CPQ: variants seen among roughly 807,000 people sequenced by gnomAD.
CPQ encodes the protein carboxypeptidase Q.
CPQ carries 37 observed loss-of-function variants against 45.7 expected under a neutral mutation model. The ratio of observed to expected loss-of-function variants is 0.81; its 90% CI spans 0.62 to 1.07. The LOEUF (loss-of-function observed/expected upper bound fraction) is 1.07. Among genes scored for constraint, CPQ ranks in the 50% least tolerant of loss-of-function variants. CPQ has a pLI of 0.00. For missense variants in CPQ, 537 were observed against 572.9 expected, an observed-to-expected ratio of 0.94 and a Z score of 0.64; for synonymous variants, 186 against 205.8, an observed-to-expected ratio of 0.90 and a Z score of 0.82.
chr8:96,672,782 T>TA (rs890345948), intron 1 of CPQ, among the ~76,000 whole-genome samples: 5 of 151,686 alleles, frequency 3.3e-5, no homozygotes, highest in Non-Finnish European at 5.9e-5. Context: ...TGTCTCAATT[T>TA]AAAAAAAATG....
At chr8:96,755,917 A>G (rs1810321192) in intron 1 of CPQ, among the ~76,000 whole-genome samples, 1 of 151,990 alleles carries the variant, frequency 6.6e-6, no homozygotes, top group Non-Finnish European at 1.5e-5. Context: ...CTATGCCAGG[A>G]TATAAACATT....
chr8:96,807,084 C>T (rs1563501774), intron 2 of CPQ, among the ~76,000 whole-genome samples: 1 of 152,090 alleles, frequency 6.6e-6, no homozygotes, highest in Non-Finnish European at 1.5e-5. Context: ...ACGTATTTCA[C>T]CATTTTCTTA....
intron 7 of CPQ, among the ~76,000 whole-genome samples, chr8:97,118,720 A>C (rs534404781): frequency 1.3e-5 from 2 of 152,258 alleles, no homozygotes; most frequent in Non-Finnish European, 2.9e-5. Context: ...TCTTGGATTA[A>C]GTCTGGCTCA....
chr8:96,897,415 A>G (rs946510110), intron 4 of CPQ, among the ~76,000 whole-genome samples: 1 of 152,078 alleles, frequency 6.6e-6, no homozygotes, highest in Non-Finnish European at 1.5e-5. Context: ...TACTAACTGT[A>G]TGAAAGAAGA....
intron 7 of CPQ, among the ~76,000 whole-genome samples, chr8:97,107,360 C>T (rs1321567330): frequency 6.6e-6 from 1 of 152,238 alleles, no homozygotes; most frequent in African/African-American, 2.4e-5. Context: ...GGCCCACATG[C>T]CTTGGCTTCC....
At chr8:96,871,408 T>C (rs1471782371) in intron 3 of CPQ, among the ~76,000 whole-genome samples, 1 of 151,946 alleles carries the variant, frequency 6.6e-6, no homozygotes, top group Non-Finnish European at 1.5e-5. Context: ...TAACTGATGG[T>C]GTAACGCAAA....
Position 96,911,272 on chromosome 8 carries a change from T to C in CPQ, c.849+31267T>C, listed in dbSNP as rs148125111. 2.0e-3 allele frequency among the ~76,000 whole-genome samples: 306 copies of C among 152,290 alleles called. 1 individual carries two copies. The highest frequency in any genetic ancestry group is 7.1e-3 in the African/African-American group (294 of 41,552). ...CTTGCTCCAAAATGCAAATGACTTA[T>C]TTGCTACTTCAAAAATGCACCTCAT... On this transcript the variant is annotated intron_variant, in intron 4 of 7. Transcript: ENST00000220763.
chr8:97,114,158 T>G (rs1294946241), intron 7 of CPQ, among the ~76,000 whole-genome samples: 1 of 152,242 alleles, frequency 6.6e-6, no homozygotes. Context: ...ACTGTTTGTC[T>G]GTCAAATTGT....
chr8:97,108,012 G>A (rs528932760), intron 7 of CPQ, among the ~76,000 whole-genome samples: 1 of 152,312 alleles, frequency 6.6e-6, no homozygotes, highest in South Asian at 2.1e-4. Context: ...AGGTGAGGAA[G>A]TGGATGTGGT....
chr8:96,900,144 A>T (rs1363982939), intron 4 of CPQ, among the ~76,000 whole-genome samples: 1 of 152,194 alleles, frequency 6.6e-6, no homozygotes, highest in African/African-American at 2.4e-5. Context: ...TAACTTGCTC[A>T]TGCCAGTATA....
At chr8:96,847,082 G>A (rs1193786586) in intron 3 of CPQ, among the ~76,000 whole-genome samples, 5 of 152,152 alleles carry the variant, frequency 3.3e-5, no homozygotes, top group Admixed American at 3.3e-4. Context: ...AACAAATAAT[G>A]TCACTTTTCC....
At chr8:96,670,378 G>C (rs1490631250) in intron 1 of CPQ, among the ~76,000 whole-genome samples, 1 of 147,646 alleles carries the variant, frequency 6.8e-6, no homozygotes, top group East Asian at 2.0e-4. Flanking sequence ...CAAAAGCAAT[G>C]CAAGTATGAT....
intron 1 of CPQ, among the ~76,000 whole-genome samples, chr8:96,718,512 C>T (rs1005437133): frequency 2.6e-5 from 4 of 152,108 alleles, no homozygotes; most frequent in Admixed American, 6.6e-5. Flanking sequence ...AGCTGCAGAC[C>T]TTCGTGGTGA....
rs1283394912 is a variant in CPQ, at chr8:96,901,729, A to G, written c.849+21724A>G. ...GAACAGAAGTGGGAGACTGGAAATG[A>G]TTGTTCACAATAATCTCTGTCATTT... is the stretch of plus-strand genomic sequence containing the variant. On this transcript the variant is annotated intron_variant, in intron 4 of 7. Transcript: ENST00000220763. Among the ~76,000 whole-genome samples the G allele has an allele frequency of 2.0e-5, 3 of 152,128 alleles. 1 individual carries two copies. The highest frequency in any genetic ancestry group is 7.2e-5 in the African/African-American group (3 of 41,442).
chr8:96,716,334 T>C (rs1485459866), intron 1 of CPQ, among the ~76,000 whole-genome samples: 1 of 152,216 alleles, frequency 6.6e-6, no homozygotes, highest in Non-Finnish European at 1.5e-5. Context: ...AAATTTTAAA[T>C]TTTTATTTTA....
intron 6 of CPQ, among the ~76,000 whole-genome samples, chr8:97,059,943 T>G (rs1017637288): frequency 2.6e-5 from 4 of 152,182 alleles, no homozygotes; most frequent in African/African-American, 9.7e-5. Context: ...GTTAGGAGTC[T>G]CTTTTCTTTC....
At chr8:96,728,894 C>T (rs1429576844) in intron 1 of CPQ, among the ~76,000 whole-genome samples, 4 of 151,992 alleles carry the variant, frequency 2.6e-5, no homozygotes, top group Non-Finnish European at 4.4e-5. Context: ...AATATGTGGT[C>T]ACAGGCCTAA....
At chr8:96,675,027 A>G (rs1809057251) in intron 1 of CPQ, among the ~76,000 whole-genome samples, 1 of 152,106 alleles carries the variant, frequency 6.6e-6, no homozygotes. Context: ...TTGGCAGAAT[A>G]GACACTAAGT....
At position 97,143,253 on chromosome 8, in the gene CPQ, T is replaced by C; in HGVS notation, c.*70T>C. On this transcript the variant is annotated 3_prime_UTR_variant, in exon 8 of 8. Transcript: ENST00000220763. ...TGGGTCTGCAACTTTGGAAAACTCC[T>C]CTTCACATAACAATTTCATCCAATT... 1 of 1,437,060 alleles carries C rather than the reference T, an allele frequency of 7.0e-7. No homozygotes were observed. 89.0% of individuals were successfully genotyped at this position (1,437,060 alleles called of 1,614,324 possible).
Sources: gnomAD v4.1 joint callset for allele counts (sites outside exome capture counted in the v4.1 genomes callset) on GRCh38, gnomAD v4.1.1 for gene constraint, MANE v1.5 for transcripts, NCBI Gene and HGNC (gene_info 2026-07-23, HGNC 2026-07-21) for gene names.